Variants in EHBP1 observed in about 807,000 individuals in gnomAD.
EHBP1 encodes EH domain binding protein 1.
Under a neutral mutation model 144.0 loss-of-function variants are expected in EHBP1, and 55 were observed. That is an observed-to-expected ratio of 0.38 (90% confidence interval 0.31 to 0.48). The LOEUF (loss-of-function observed/expected upper bound fraction) is 0.48. Among genes scored for constraint, EHBP1 ranks in the 20% least tolerant of loss-of-function variants. The probability of loss-of-function intolerance (pLI) is 0.98; values close to 1 mark genes in which losing one functional copy is unlikely to be tolerated. For missense variants in EHBP1, 1,200 were observed against 1,364.2 expected (o/e 0.88, Z 1.90); for synonymous variants, 469 against 472.7 (o/e 0.99, Z 0.10).
chr2:62,896,151 AC>A (rs1192071524), intron 10 of EHBP1, among the ~76,000 whole-genome samples: 2 of 152,230 alleles, frequency 1.3e-5, no homozygotes, highest in African/African-American at 4.8e-5. Context: ...AGAACAGGGT[AC>A]TATAAATACA....
chr2:63,004,583 G>T (rs1004232959), intron 19 of EHBP1, among the ~76,000 whole-genome samples: 2 of 151,954 alleles, frequency 1.3e-5, no homozygotes. Context: ...ATTCAATGAA[G>T]GTAGATAATA....
chr2:62,780,637 G>C (rs2042358431), intron 5 of EHBP1, among the ~76,000 whole-genome samples: 2 of 152,058 alleles, frequency 1.3e-5, no homozygotes, highest in Admixed American at 1.3e-4. Flanking sequence ...TAAAAAAAGA[G>C]GTATGCCTAA....
chr2:62,985,662 A>G (rs2059157254), intron 15 of EHBP1, among the ~76,000 whole-genome samples: 2 of 152,168 alleles, frequency 1.3e-5, no homozygotes, highest in African/African-American at 2.4e-5. Flanking sequence ...ACTTTACACC[A>G]TTCTCTGAAC....
intron 10 of EHBP1, among the ~76,000 whole-genome samples, chr2:62,913,523 A>G (rs768938709): frequency 6.6e-6 from 1 of 152,208 alleles, no homozygotes; most frequent in Admixed American, 6.5e-5. Context: ...GGTAATTACA[A>G]TTGAGCTGTA....
At chr2:62,819,870 A>T (rs2045768828) in intron 5 of EHBP1, among the ~76,000 whole-genome samples, 2 of 152,150 alleles carry the variant, frequency 1.3e-5, no homozygotes, top group East Asian at 3.8e-4. Flanking sequence ...GAGCGATGAA[A>T]TTTAATGAAC....
intron 10 of EHBP1, among the ~76,000 whole-genome samples, chr2:62,933,108 A>C (rs551922003): frequency 6.0e-4 from 91 of 151,866 alleles, no homozygotes; most frequent in Non-Finnish European, 1.0e-3. Flanking sequence ...AACACTGAGA[A>C]GTTTTTAAAT....
At chr2:62,823,700 A>G (rs2046149341) in intron 5 of EHBP1, among the ~76,000 whole-genome samples, 1 of 152,120 alleles carries the variant, frequency 6.6e-6, no homozygotes, top group Non-Finnish European at 1.5e-5. Flanking sequence ...TATTCTTCTT[A>G]AAATGTATTT....
In EHBP1 at chr2:63,002,815, T is replaced by C. The variant is rs149450157; in HGVS notation, c.3103+6049T>C. ...CTTGTTATTATAACAATGTAACTTC[T>C]ATTGCTGAGCTAGTTCATTCCATGA... On this transcript the variant is annotated intron_variant, in intron 19 of 22. Coordinates refer to ENST00000431489, the MANE Select transcript of EHBP1 (RefSeq NM_001142616.3). 7.3e-3 allele frequency among the ~76,000 whole-genome samples: 1,109 copies of C among 152,218 alleles called. 9 individuals carry two copies. The highest frequency in any genetic ancestry group is 0.025 in the African/African-American group (1,060 of 41,582).
At chr2:62,740,061 C>T (rs2038559920) in intron 2 of EHBP1, among the ~76,000 whole-genome samples, 1 of 151,806 alleles carries the variant, frequency 6.6e-6, no homozygotes, top group South Asian at 2.1e-4. Flanking sequence ...AAACTTCAAA[C>T]TATGTTTCCT....
At chr2:62,766,219 G>C (rs569202657) in intron 4 of EHBP1, among the ~76,000 whole-genome samples, 2 of 152,278 alleles carry the variant, frequency 1.3e-5, no homozygotes, top group East Asian at 3.9e-4. Flanking sequence ...AAAGAAATCT[G>C]AGTTGGTACT....
At chr2:63,038,059 A>G (rs2153364672) in intron 20 of EHBP1, among the ~76,000 whole-genome samples, 1 of 152,272 alleles carries the variant, frequency 6.6e-6, no homozygotes, top group African/African-American at 2.4e-5. Flanking sequence ...GGGATAAAAG[A>G]TAAGTTACTA....
intron 7 of EHBP1, among the ~76,000 whole-genome samples, chr2:62,845,737 G>T (rs1207900529): frequency 1.3e-5 from 2 of 151,084 alleles, no homozygotes; most frequent in Admixed American, 1.3e-4. Flanking sequence ...GGTGGCATGC[G>T]CCTGTAGTCC....
intron 15 of EHBP1, among the ~76,000 whole-genome samples, chr2:62,985,304 A>G (rs1351212595): frequency 1.3e-5 from 2 of 152,190 alleles, no homozygotes; most frequent in Non-Finnish European, 2.9e-5. Context: ...ATAAGAAGGC[A>G]TATGAGATTG....
At chr2:62,686,364 A>C (rs2033718270) in intron 1 of EHBP1, among the ~76,000 whole-genome samples, 1 of 152,220 alleles carries the variant, frequency 6.6e-6, no homozygotes, top group South Asian at 2.1e-4. Flanking sequence ...TCCTAATTCC[A>C]GGGCCAAGTC....
chr2:62,914,955 G>A (rs17347994), intron 10 of EHBP1, among the ~76,000 whole-genome samples: 2 of 151,790 alleles, frequency 1.3e-5, no homozygotes, highest in Non-Finnish European at 2.9e-5. Flanking sequence ...GGATAAAATG[G>A]CCTAAGTATT....
At chr2:62,889,456 A>G (rs1414619844) in intron 10 of EHBP1, among the ~76,000 whole-genome samples, 1 of 152,034 alleles carries the variant, frequency 6.6e-6, no homozygotes, top group Non-Finnish European at 1.5e-5. Flanking sequence ...TGGTGTCTTC[A>G]TCTTGAAATC....
intron 10 of EHBP1, among the ~76,000 whole-genome samples, chr2:62,903,712 A>G (rs931211889): frequency 8.5e-5 from 13 of 152,072 alleles, no homozygotes. Context: ...GCTGCAGTGA[A>G]CCATGTTTGC....
At chr2:63,001,739 A>G (rs1054814070) in intron 19 of EHBP1, among the ~76,000 whole-genome samples, 10 of 152,144 alleles carry the variant, frequency 6.6e-5, no homozygotes, top group Admixed American at 6.6e-4. Context: ...CATACAGTTT[A>G]CAAGTGGGAG....
chr2:62,707,387 C>A, intron 2 of EHBP1, 92 bp downstream of exon 2: 1 of 889,010 alleles, frequency 1.1e-6, no homozygotes, highest in Non-Finnish European at 1.9e-6. Context: ...ATTTACCTTT[C>A]TATAGTGCAC....
Sources: allele counts gnomAD v4.1 joint callset (sites outside exome capture counted in the v4.1 genomes callset), GRCh38; gene constraint gnomAD v4.1.1; transcripts MANE v1.5; gene names NCBI Gene and HGNC (gene_info 2026-07-23, HGNC 2026-07-21).